The following PIAS1 variants were observed in gnomAD, a reference collection of about 807,000 sequenced individuals.
PIAS1 encodes E3 SUMO-protein ligase PIAS1.
A neutral mutation model predicts 71.3 loss-of-function variants in PIAS1; 6 were observed. That is an observed-to-expected ratio of 0.08 (90% CI 0.05 to 0.17). The LOEUF is 0.17. PIAS1 is among the 10% of genes least tolerant of loss of function. The pLI is 1.00. For missense variants in PIAS1, 555 were observed against 793.6 expected (o/e 0.70, Z 3.61); for synonymous variants, 303 against 292.9 (o/e 1.03, Z -0.35).
intron 1 of PIAS1, among the ~76,000 whole-genome samples, chr15:68,075,783 CTTTT>C (rs71287007): frequency 7.5e-6 from 1 of 134,102 alleles, no homozygotes; most frequent in Non-Finnish European, 1.6e-5. Flanking sequence ...ATTCCTAGGG[CTTTT>C]TTTTTTTTTT....
At chr15:68,068,217 T>TA (rs1351269533) in intron 1 of PIAS1, among the ~76,000 whole-genome samples, 1 of 151,956 alleles carries the variant, frequency 6.6e-6, no homozygotes, top group Non-Finnish European at 1.5e-5. Context: ...TACAAAAAAA[T>TA]ACAAAAAGTA....
At chr15:68,080,555 T>TG (rs1356035776) in intron 1 of PIAS1, among the ~76,000 whole-genome samples, 1 of 152,250 alleles carries the variant, frequency 6.6e-6, no homozygotes, top group African/African-American at 2.4e-5. Context: ...TCTGGTTGAA[T>TG]GGGGCATTGT....
At position 68,190,988 on chromosome 15, in the gene PIAS1, T is replaced by A. The variant is rs975670151; in HGVS notation, c.*3153T>A. ...AATTAATGTGGAAAGAGCATTTTTT[T>A]AGACAATTTCAATTTTAAACACATA... On this transcript the variant is annotated 3_prime_UTR_variant, in exon 14 of 14. Transcript: ENST00000249636. The surrounding 1 kb of genome is among the most constrained non-coding windows in gnomAD (Gnocchi z 4.7). 5 of 152,304 alleles carry A rather than the reference T, an allele frequency of 3.3e-5. No homozygotes were observed. The highest frequency in any genetic ancestry group is 2.1e-4 in the South Asian group (1 of 4,832). The allele number at this position is 152,304 out of a possible 1,614,324, so 9.4% of individuals were successfully genotyped here. A position where few individuals can be genotyped will look rare whatever the true frequency, so the allele number is the denominator to read the frequency against.
intron 2 of PIAS1, among the ~76,000 whole-genome samples, chr15:68,108,726 C>A (rs2092495211): frequency 6.6e-6 from 1 of 152,106 alleles, no homozygotes; most frequent in Admixed American, 6.6e-5. Flanking sequence ...TATCTTCATC[C>A]TTTTTGTTGC....
At chr15:68,140,081 A>G (rs2092760325) in intron 2 of PIAS1, among the ~76,000 whole-genome samples, 2 of 152,210 alleles carry the variant, frequency 1.3e-5, no homozygotes, top group Admixed American at 1.3e-4. Flanking sequence ...CAACCCCATG[A>G]GCATTACAAT....
In PIAS1 at chr15:68,167,905, C is replaced by T. The variant is rs780749291; in HGVS notation, c.1008+3101C>T. ...TATTTTTAGTAGAGATGGGGTTTCA[C>T]CATGTTGGCCAGGCTGGTCTCAAAC... On this transcript the variant is annotated intron_variant, in intron 8 of 13. Coordinates refer to ENST00000249636, the MANE Select transcript of PIAS1 (RefSeq NM_016166.3). This position sits in a 1 kb window ranked among gnomAD's most constrained non-coding sequence, Gnocchi z 4.4. Among the ~76,000 whole-genome samples the T allele has an allele frequency of 1.3e-5, 2 of 152,070 alleles. No homozygotes were observed. Among genetic ancestry groups the T allele is most frequent in the Non-Finnish European group, 2.9e-5 (2 of 68,006 alleles).
At chr15:68,090,894 C>T (rs2092326449) in intron 2 of PIAS1, among the ~76,000 whole-genome samples, 1 of 148,086 alleles carries the variant, frequency 6.8e-6, no homozygotes, top group Non-Finnish European at 1.5e-5. Flanking sequence ...TTTTAAAATA[C>T]TTCTGTGGTA....
chr15:68,171,219 T>C lies in PIAS1; in HGVS notation c.1009-2513T>C, dbSNP rs1296323982. ...TATCACTACTTTCCACCTCCACATC[T>C]TTTCCCACTGGAACGTCTTCAGTGG... On this transcript the variant is annotated intron_variant, in intron 8 of 13. Coordinates refer to ENST00000249636, the MANE Select transcript of PIAS1 (RefSeq NM_016166.3). The surrounding 1 kb of genome is among the most constrained non-coding windows in gnomAD (Gnocchi z 4.4). 6.6e-6 allele frequency among the ~76,000 whole-genome samples: 1 copy of C among 152,194 alleles called. No individual in the cohort carries two copies. Among genetic ancestry groups the C allele is most frequent in the Non-Finnish European group, 1.5e-5 (1 of 68,042 alleles).
At chr15:68,091,028 T>C (rs1007908068) in intron 2 of PIAS1, among the ~76,000 whole-genome samples, 7 of 151,892 alleles carry the variant, frequency 4.6e-5, no homozygotes, top group Admixed American at 3.9e-4. Context: ...CAGCCGCATG[T>C]ATTATTGATC....
At chr15:68,081,215 T>C (rs1274952771) in intron 1 of PIAS1, among the ~76,000 whole-genome samples, 2 of 152,208 alleles carry the variant, frequency 1.3e-5, no homozygotes, top group African/African-American at 4.8e-5. Context: ...CTTGAATGTA[T>C]TGAACCTCCC....
At chr15:68,125,359 T>C (rs1027206723) in intron 2 of PIAS1, among the ~76,000 whole-genome samples, 1 of 152,218 alleles carries the variant, frequency 6.6e-6, no homozygotes, top group Non-Finnish European at 1.5e-5. Context: ...TCTGTCATCT[T>C]GAGGTCTTCT....
At chr15:68,170,860 C>CA (rs1300362250) in intron 8 of PIAS1, among the ~76,000 whole-genome samples, 5 of 152,274 alleles carry the variant, frequency 3.3e-5, no homozygotes, top group Admixed American at 3.3e-4. Flanking sequence ...AGGCTGGTCT[C>CA]AAACTCCTGA....
In PIAS1 at chr15:68,188,169, G is replaced by T. The variant is rs1424797371; in HGVS notation, c.*334G>T. 5.8e-6 allele frequency: 1 copy of T among 173,912 alleles called. No homozygotes were observed. Among genetic ancestry groups the T allele is most frequent in the Non-Finnish European group, 1.2e-5 (1 of 81,688 alleles). The allele number at this position is 173,912 out of a possible 1,614,324, so 10.8% of individuals were successfully genotyped here. A position where few individuals can be genotyped will look rare whatever the true frequency, so the allele number is the denominator to read the frequency against. The stretch of plus-strand genomic sequence containing the variant: ...AAGATTTTTCATTATTTGTCCTATG[G>T]TTTTGGTTTTATTTGACTTCGATGG... On this transcript the variant is annotated 3_prime_UTR_variant, in exon 14 of 14. Transcript: ENST00000249636.
At chr15:68,154,101 A>G (rs1412081421) in intron 7 of PIAS1, 3 of 161,136 alleles carry the variant, frequency 1.9e-5, no homozygotes, top group African/African-American at 7.2e-5. Flanking sequence ...GGTAGAAATA[A>G]TAATTCTGCC....
chr15:68,177,870 C>T lies in PIAS1; in HGVS notation c.1481+1216C>T, dbSNP rs189256705. Reference sequence around the variant, plus strand: ...CTTTTTAGGTATAAAGCAGGAGAATCACATGGCCTGTTGCAACTGAATAGA... The same window carrying T: ...CTTTTTAGGTATAAAGCAGGAGAATTACATGGCCTGTTGCAACTGAATAGA... On this transcript the variant is annotated intron_variant, in intron 11 of 13. Coordinates refer to ENST00000249636, the MANE Select transcript of PIAS1 (RefSeq NM_016166.3). 1.4e-4 allele frequency among the ~76,000 whole-genome samples: 22 copies of T among 152,322 alleles called. No homozygotes were observed. The East Asian group carries it at 4.0e-3, about 28-fold the overall frequency.
Position 68,178,329 on chromosome 15 carries a change from T to TGAATG in PIAS1, c.1481+1675_1481+1676insGAATG. On this transcript the variant is annotated intron_variant, in intron 11 of 13. Coordinates refer to ENST00000249636, the MANE Select transcript of PIAS1 (RefSeq NM_016166.3). This position sits in a 1 kb window ranked among gnomAD's most constrained non-coding sequence, Gnocchi z 4.2. ...CATCGGTATTTTCATTCTACAGTAG[T>TGAATG]CCATCTTGGCATACAGACAGAAACA... is the stretch of plus-strand genomic sequence containing the variant. Among the ~76,000 whole-genome samples the TGAATG allele has an allele frequency of 6.6e-6, 1 of 152,164 alleles. No individual in the cohort carries two copies. Among genetic ancestry groups the TGAATG allele is most frequent in the Non-Finnish European group, 1.5e-5 (1 of 68,024 alleles).
chr15:68,057,846 A>G (rs547359789), intron 1 of PIAS1, among the ~76,000 whole-genome samples: 16 of 152,220 alleles, frequency 1.1e-4, no homozygotes, highest in Non-Finnish European at 1.3e-4. Flanking sequence ...TATAGTTTCT[A>G]AGTATTTCAT....
At chr15:68,103,271 A>G (rs913918149) in intron 2 of PIAS1, among the ~76,000 whole-genome samples, 12 of 109,712 alleles carry the variant, frequency 1.1e-4, no homozygotes, top group African/African-American at 3.0e-4. Context: ...AGATAAAATG[A>G]TATTTTTTTT....
At chr15:68,120,253 T>TA (rs1385154180) in intron 2 of PIAS1, among the ~76,000 whole-genome samples, 1 of 151,958 alleles carries the variant, frequency 6.6e-6, no homozygotes, top group Non-Finnish European at 1.5e-5. Context: ...TTTTTTTTTT[T>TA]AACTCTCTCA....
Sources: gnomAD v4.1 joint callset for allele counts (sites outside exome capture counted in the v4.1 genomes callset) on GRCh38, gnomAD v4.1.1 for gene constraint, Gnocchi (gnomAD v3.1) non-coding constraint, MANE v1.5 for transcripts, NCBI Gene and HGNC (gene_info 2026-07-23, HGNC 2026-07-21) for gene names.